The following TFB1M variants were observed in gnomAD, a reference collection of about 807,000 sequenced individuals.
The protein encoded by TFB1M is transcription factor B1, mitochondrial, also known as dimethyladenosine transferase 1, mitochondrial.
In TFB1M, 27 loss-of-function variants were observed where a neutral mutation model predicts 31.1. The observed-to-expected ratio is 0.87, with a 90% CI of 0.64 to 1.20. TFB1M has a LOEUF of 1.20. TFB1M is among the 50% of genes most tolerant of loss of function. The probability of loss-of-function intolerance (pLI) is 0.00; values close to 1 mark genes in which losing one functional copy is unlikely to be tolerated. For missense variants in TFB1M, 394 were observed against 418.7 expected (o/e 0.94, Z 0.51); for synonymous variants, 166 against 151.8 (o/e 1.09, Z -0.69).
Position 155,257,609 on chromosome 6 carries a change from T to G in TFB1M, c.*227A>C, listed in dbSNP as rs1784150959. On this transcript the variant is annotated 3_prime_UTR_variant, in exon 7 of 7. Coordinates refer to ENST00000367166, the MANE Select transcript of TFB1M (RefSeq NM_016020.4). ...AGATTGTAATAGATGCTGTTTATAC[T>G]AAACATGTCATAACTATCTATACAG... 9.4e-6 allele frequency: 5 copies of G among 530,104 alleles called. No individual in the cohort carries two copies. The highest frequency in any genetic ancestry group is 1.6e-5 in the Non-Finnish European group (5 of 304,112). The allele number at this position is 530,104 out of a possible 1,614,324, so 32.8% of individuals were successfully genotyped here.
In TFB1M at chr6:155,297,084, T is replaced by C. The variant is rs112474651; in HGVS notation, c.415A>G (p.Ile139Val). The change falls in exon 4 of 7, where the codon ATT (isoleucine) becomes GTT (valine). Residue 139 changes from isoleucine (I) to valine (V), a missense_variant. Physicochemically the swap from Ile to Val is conservative, Grantham distance 29. This residue lies in a region of TFB1M where 273 missense variants were observed against 256.4 expected (regional missense o/e 1.06). Coordinates refer to ENST00000367166, the MANE Select transcript of TFB1M (RefSeq NM_016020.4). The part of the protein sequence containing the change: ...WEDDPPNVHI[I>V]GNLPFSVSTP... ...GAAACACTAAAAGGCAGATTTCCAA[T>C]AATATGTACATTTGGAGGATCTGGT... 2.9e-4 allele frequency: 461 copies of C among 1,613,726 alleles called. 2 individuals are homozygous for C. The African/African-American group carries it at 5.0e-3, about 17-fold the overall frequency.
the TFB1M span, among the ~76,000 whole-genome samples, chr6:155,236,964 A>G: frequency 2.0e-5 from 3 of 152,178 alleles, no homozygotes; most frequent in Non-Finnish European, 2.9e-5. Context: ...TTGAAAACCA[A>G]TCATGCCTTC....
chr6:155,287,551 A>AGTGT (rs150032717), intron 4 of TFB1M, among the ~76,000 whole-genome samples: 19,024 of 147,528 alleles, frequency 0.13, 1,502 homozygotes, highest in Non-Finnish European at 0.19. Flanking sequence ...ATTTACTCTG[A>AGTGT]GTGTGTGTGT....
downstream of TFB1M, chr6:155,255,977 T>G (rs1308665373): frequency 5.6e-6 from 1 of 177,210 alleles, no homozygotes; most frequent in African/African-American, 2.9e-5. Context: ...ACCACTGCAC[T>G]CCAGCCTGGG....
rs779802219 is a variant in TFB1M at position 155,257,887 on chromosome 6, T to A, written c.990A>T (p.Lys330Asn). ...CCTCTTCTTTTTCTTCATTTTTGCT[T>A]TTTCTTCGCTTGAGTTCTTCTCTGA... is the stretch of plus-strand genomic sequence containing the variant. Reference protein sequence around the residue: ...YNFREELKRRKSKNEEKEEDD... With the variant: ...YNFREELKRRNSKNEEKEEDD... The change falls in exon 7 of 7, where the codon AAA becomes AAT. Residue 330 changes from lysine (K) to asparagine (N), a missense_variant. Lys to Asn is a moderately conservative substitution (Grantham distance 94). This residue lies in a region of TFB1M where 115 missense variants were observed against 144.1 expected (regional missense o/e 0.80). Transcript: ENST00000367166. The A allele has an allele frequency of 1.9e-6, 3 of 1,614,058 alleles. No individual in the cohort carries two copies. The highest frequency in any genetic ancestry group is 2.7e-5 in the African/African-American group (2 of 74,914).
downstream of TFB1M, chr6:155,251,160 G>T (rs1783633435): frequency 1.4e-6 from 1 of 696,286 alleles, no homozygotes; most frequent in Non-Finnish European, 2.5e-6. Context: ...AACAGGGCCA[G>T]CCCCCAACTA....
At chr6:155,282,600 T>C (rs1776421236) in intron 5 of TFB1M, among the ~76,000 whole-genome samples, 1 of 152,238 alleles carries the variant, frequency 6.6e-6, no homozygotes, top group Admixed American at 6.5e-5. Flanking sequence ...TAGCTTATCT[T>C]ACCTTGTGTT....
chr6:155,314,058 G>A (rs1778136405), intron 1 of TFB1M: 3 of 1,399,538 alleles, frequency 2.1e-6, no homozygotes, highest in Non-Finnish European at 2.8e-6. Context: ...TGGCATTTAT[G>A]CAGCCTGCCG....
At chr6:155,311,040 G>T in intron 2 of TFB1M, 148 bp downstream of exon 2, 1 of 841,568 alleles carries the variant, frequency 1.2e-6, no homozygotes, top group Non-Finnish European at 1.9e-6. Flanking sequence ...TCCAGACTAT[G>T]GAATCAAAAT....
At chr6:155,270,140 C>T (rs1784856052) in intron 5 of TFB1M, among the ~76,000 whole-genome samples, 1 of 152,126 alleles carries the variant, frequency 6.6e-6, no homozygotes, top group African/African-American at 2.4e-5. Flanking sequence ...TCTCAGGCGG[C>T]CAAATGGAAG....
Position 155,258,020 on chromosome 6 carries a change from A to G in TFB1M, c.857T>C (p.Ile286Thr), listed in dbSNP as rs1356296450. The G allele has an allele frequency of 1.2e-5, 19 of 1,614,098 alleles. No individual in the cohort carries two copies. The highest frequency in any genetic ancestry group is 1.7e-5 in the Admixed American group (1 of 60,014). Residue 286 changes from isoleucine (I) to threonine (T), a missense_variant, in exon 7 of 7, where the codon ATA (isoleucine) becomes ACA (threonine). Ile to Thr is a moderately conservative substitution (Grantham distance 89, BLOSUM62 -1). Transcript: ENST00000367166. ...STGRLLELADIDPTLRPRQLS... is the reference protein window; with the variant it reads ...STGRLLELADTDPTLRPRQLS... ...CTGGCGGGGCCGAAGAGTAGGGTCT[A>G]TGTCTGCCAACTCTAACAGCCTGCC... is the stretch of plus-strand genomic sequence containing the variant.
the TFB1M span, among the ~76,000 whole-genome samples, chr6:155,230,322 C>T: frequency 1.3e-5 from 2 of 152,246 alleles, no homozygotes; most frequent in African/African-American, 4.8e-5. Flanking sequence ...GCCACAGTTA[C>T]ACTGGCCTTC....
chr6:155,279,465 C>T (rs548215948), intron 5 of TFB1M, among the ~76,000 whole-genome samples: 2 of 152,068 alleles, frequency 1.3e-5, no homozygotes, highest in Non-Finnish European at 2.9e-5. Flanking sequence ...CTTGGATGAC[C>T]TGGGTGGATG....
chr6:155,305,176 A>G lies in TFB1M; in HGVS notation c.285+6012T>C, dbSNP rs1345027970. On this transcript the variant is annotated intron_variant, in intron 2 of 6. Transcript: ENST00000367166. ...AATATATATTAAATTATATATTTATATATATATTAAATTATATATTTATAT... is the reference window on the plus strand; with the variant it reads ...AATATATATTAAATTATATATTTATGTATATATTAAATTATATATTTATAT... Among the ~76,000 whole-genome samples, 4 of 92,710 alleles carry G rather than the reference A, an allele frequency of 4.3e-5. No individual in the cohort carries two copies. The South Asian group carries it at 9.4e-4, about 22-fold the overall frequency. 60.8% of individuals were successfully genotyped at this position (92,710 alleles called of 152,430 possible). A position where few individuals can be genotyped will look rare whatever the true frequency, so the allele number is the denominator to read the frequency against.
In TFB1M at chr6:155,305,464, TATAA is replaced by T. The variant is rs1435107275; in HGVS notation, c.285+5720_285+5723del. On this transcript the variant is annotated intron_variant, in intron 2 of 6. Coordinates refer to ENST00000367166, the MANE Select transcript of TFB1M (RefSeq NM_016020.4). ...ATATATTAAATTATATATTTATATATATAAATATATATTAAATTATATATATAAA... is the reference window on the plus strand; with the variant it reads ...ATATATTAAATTATATATTTATATATATATATATTAAATTATATATATAAA... Among the ~76,000 whole-genome samples, 42 of 28,912 alleles carry T rather than the reference TATAA, an allele frequency of 1.5e-3. 10 individuals carry two copies. The highest frequency in any genetic ancestry group is 7.5e-3 in the African/African-American group (38 of 5,042). The allele number at this position is 28,912 out of a possible 152,430, so 19.0% of individuals were successfully genotyped here.
intron 2 of TFB1M, among the ~76,000 whole-genome samples, chr6:155,310,106 G>C (rs1401954499): frequency 1.3e-5 from 2 of 152,106 alleles, no homozygotes; most frequent in African/African-American, 4.8e-5. Flanking sequence ...AAACCGTTCT[G>C]ACAGAAATTA....
the TFB1M span, among the ~76,000 whole-genome samples, chr6:155,231,051 A>G: frequency 7.3e-5 from 11 of 151,300 alleles, no homozygotes; most frequent in African/African-American, 2.7e-4. Context: ...CATGTTGGCC[A>G]GGCTGGTCTC....
At chr6:155,276,480 G>C (rs1034461303) in intron 5 of TFB1M, 1 of 1,097,198 alleles carries the variant, frequency 9.1e-7, no homozygotes, top group Non-Finnish European at 1.3e-6. Context: ...TACAAAGAAA[G>C]TAGAATGTAA....
chr6:155,240,927 T>C, the TFB1M span, among the ~76,000 whole-genome samples: 11 of 152,218 alleles, frequency 7.2e-5, no homozygotes, highest in South Asian at 2.1e-4. Flanking sequence ...CCTTGGCTTA[T>C]TTTGTTACCA....
Sources: gnomAD v4.1 joint callset for allele counts (sites outside exome capture counted in the v4.1 genomes callset) on GRCh38, gnomAD v4.1.1 for gene constraint, gnomAD v4.1.1 regional missense constraint, MANE v1.5 for transcripts, NCBI Gene and HGNC (gene_info 2026-07-23, HGNC 2026-07-21) for gene names.